The following CNOT1 variants were observed in gnomAD, a reference collection of about 807,000 sequenced individuals.
The protein encoded by CNOT1 is CCR4-NOT transcription complex subunit 1, also known as CCR4-associated factor 1.
Under a neutral mutation model 273.8 loss-of-function variants are expected in CNOT1, and 15 were observed. That is an observed-to-expected ratio of 0.05 (90% CI 0.04 to 0.08). The LOEUF is 0.08. Ranked by LOEUF, CNOT1 falls within the 10% of genes least tolerant of loss-of-function variation. The pLI is 1.00. For synonymous variants in CNOT1, 1,022 were observed against 1,005.5 expected (o/e 1.02, Z -0.31); for missense variants, 1,644 against 2,912.2 (o/e 0.56, Z 10.02).
chr16:58,586,814 A>C (rs2041888901), intron 6 of CNOT1, 66 bp from the exon 7 acceptor site: 1 of 1,525,468 alleles, frequency 6.6e-7, no homozygotes, highest in Non-Finnish European at 8.9e-7. Flanking sequence ...AAAGTCATAT[A>C]CCATCAAAAT....
chr16:58,533,768 T>C (rs970754480), intron 40 of CNOT1, among the ~76,000 whole-genome samples: 4 of 152,130 alleles, frequency 2.6e-5, no homozygotes, highest in Non-Finnish European at 4.4e-5. Context: ...GAGTTTGCAG[T>C]AAGCCGAGAT....
chr16:58,530,367 A>G lies in CNOT1; in HGVS notation c.6178-20T>C, dbSNP rs1160230767. 6.3e-7 allele frequency: 1 copy of G among 1,576,142 alleles called. No homozygotes were observed. The highest frequency in any genetic ancestry group is 2.2e-5 in the East Asian group (1 of 44,614). On this transcript the variant is annotated intron_variant, in intron 42 of 48. Transcript: ENST00000317147. Reference sequence around the variant, plus strand: ...CCACCCCTGAAAGAAAGAAATGTACATGAGTCATAATTATACTCAGCTGTT... The same window carrying G: ...CCACCCCTGAAAGAAAGAAATGTACGTGAGTCATAATTATACTCAGCTGTT...
chr16:58,626,219 C>T (rs1327744936), intron 1 of CNOT1, among the ~76,000 whole-genome samples: 1 of 151,860 alleles, frequency 6.6e-6, no homozygotes, highest in Non-Finnish European at 1.5e-5. Flanking sequence ...ACCAGCCTGG[C>T]CAATACGTTG....
intron 2 of CNOT1, among the ~76,000 whole-genome samples, chr16:58,593,837 T>C (rs968314908): frequency 1.3e-5 from 2 of 152,124 alleles, no homozygotes; most frequent in Admixed American, 1.3e-4. Context: ...ATGATACAGA[T>C]ACACAAAATA....
intron 10 of CNOT1, 81 bp from the exon 11 acceptor site, chr16:58,581,596 G>T: frequency 1.4e-6 from 2 of 1,437,230 alleles, no homozygotes; most frequent in East Asian, 2.5e-5. Flanking sequence ...AATTAAATCT[G>T]AAATTCAATT....
chr16:58,611,371 G>A (rs1197322875), intron 1 of CNOT1, among the ~76,000 whole-genome samples: 2 of 152,016 alleles, frequency 1.3e-5, no homozygotes, highest in African/African-American at 4.8e-5. Flanking sequence ...AGAGGTTACA[G>A]GGAGCCGAGA....
intron 15 of CNOT1, 64 bp downstream of exon 15, chr16:58,574,943 T>C: frequency 6.3e-7 from 1 of 1,590,908 alleles, no homozygotes; most frequent in South Asian, 1.2e-5. Context: ...TTAAAAGTTG[T>C]ACTTGATAGC....
chr16:58,607,792 T>C (rs975286223), intron 1 of CNOT1, among the ~76,000 whole-genome samples: 3 of 149,014 alleles, frequency 2.0e-5, no homozygotes, highest in Non-Finnish European at 4.4e-5. Flanking sequence ...GGAGAAGAGA[T>C]AGAAGTCAGA....
At chr16:58,578,307 A>G (rs1421402281) in intron 13 of CNOT1, among the ~76,000 whole-genome samples, 2 of 152,088 alleles carry the variant, frequency 1.3e-5, no homozygotes, top group Non-Finnish European at 2.9e-5. Context: ...TACAAAAATT[A>G]GCTGTGCATG....
intron 1 of CNOT1, among the ~76,000 whole-genome samples, chr16:58,620,653 T>TAAAAAAAAAAAAAAAA (rs200053031): frequency 3.7e-5 from 4 of 106,830 alleles, no homozygotes; most frequent in African/African-American, 1.5e-4. Context: ...CTGTCTCATT[T>TAAAAAAAAAAAAAAAA]AAAAAAAAAA....
At chr16:58,605,499 C>A (rs988182178) in intron 1 of CNOT1, among the ~76,000 whole-genome samples, 2 of 152,144 alleles carry the variant, frequency 1.3e-5, no homozygotes, top group African/African-American at 4.8e-5. Flanking sequence ...GAGCAAGACT[C>A]TGTCTCAAAA....
chr16:58,542,088 C>A, intron 33 of CNOT1, 143 bp downstream of exon 33: 7 of 1,019,650 alleles, frequency 6.9e-6, no homozygotes, highest in East Asian at 2.6e-5. Flanking sequence ...GGCAGCCATT[C>A]AGTGAAATGC....
At chr16:58,603,448 T>C (rs2042553355) in intron 1 of CNOT1, among the ~76,000 whole-genome samples, 1 of 90,056 alleles carries the variant, frequency 1.1e-5, no homozygotes, top group Non-Finnish European at 2.2e-5. Flanking sequence ...TGTGTGTGTG[T>C]GTGTGTGTGT....
In CNOT1 at chr16:58,545,390, A is replaced by C. The variant is rs2040226369; in HGVS notation, c.4108T>G (p.Leu1370Val). 1 of 1,613,956 alleles carries C rather than the reference A, an allele frequency of 6.2e-7. No homozygotes were observed. The highest frequency in any genetic ancestry group is 1.7e-5 in the Admixed American group (1 of 59,996). The change falls in exon 30 of 49, where the codon TTG becomes GTG. Residue 1370 changes from leucine (L) to valine (V), a missense_variant. Around this residue, in one of 13 missense-constraint regions of CNOT1, gnomAD observed 133 missense variants for 230.4 expected, o/e 0.58. Transcript: ENST00000317147. ...GGATTCAGAGTAATGTGTGGTGCCAAGCCCGCAAGGGAATAGACATTGATG... is the reference window on the plus strand; with the variant it reads ...GGATTCAGAGTAATGTGTGGTGCCACGCCCGCAAGGGAATAGACATTGATG... The part of the protein sequence containing the change: ...HDINVYSLAG[L>V]APHITLNPTI...
chr16:58,580,243 TAAGAA>T (rs1029663160), intron 12 of CNOT1, among the ~76,000 whole-genome samples: 3 of 135,210 alleles, frequency 2.2e-5, no homozygotes, highest in East Asian at 2.1e-4. Flanking sequence ...AAAATATAAA[TAAGAA>T]AAGAAAAGAA....
chr16:58,543,328 T>C, intron 31 of CNOT1: 2 of 1,549,124 alleles, frequency 1.3e-6, no homozygotes, highest in Non-Finnish European at 1.7e-6. Flanking sequence ...GATATCACAT[T>C]TCCTTTTTAA....
chr16:58,550,758 A>C (rs2040424280), intron 24 of CNOT1, among the ~76,000 whole-genome samples: 1 of 152,172 alleles, frequency 6.6e-6, no homozygotes, highest in African/African-American at 2.4e-5. Context: ...ATACTGTCTT[A>C]CCATGTAATC....
rs139698233 is a variant in CNOT1, at chr16:58,524,674, C to G, written c.6784+505G>C. Among the ~76,000 whole-genome samples the G allele has an allele frequency of 2.6e-3, 401 of 152,128 alleles. 3 individuals carry two copies. The highest frequency in any genetic ancestry group is 9.0e-3 in the African/African-American group (373 of 41,492). On this transcript the variant is annotated intron_variant, in intron 46 of 48. Coordinates refer to ENST00000317147, the MANE Select transcript of CNOT1 (RefSeq NM_016284.5). Reference sequence around the variant, plus strand: ...ACTAGTTAGCACCTAACTGGGGTCTCTATTTTATAAGATAAATATAGAGGA... The same window carrying G: ...ACTAGTTAGCACCTAACTGGGGTCTGTATTTTATAAGATAAATATAGAGGA...
intron 1 of CNOT1, among the ~76,000 whole-genome samples, chr16:58,602,191 C>G (rs1015543489): frequency 2.0e-5 from 3 of 151,964 alleles, no homozygotes; most frequent in Non-Finnish European, 2.9e-5. Context: ...GCCTCAGCCT[C>G]CCAGGTAGCT....
Sources: gnomAD v4.1 joint callset for allele counts (sites outside exome capture counted in the v4.1 genomes callset) on GRCh38, gnomAD v4.1.1 for gene constraint, gnomAD v4.1.1 regional missense constraint, MANE v1.5 for transcripts, NCBI Gene and HGNC (gene_info 2026-07-23, HGNC 2026-07-21) for gene names.